The following CSNK1G3 variants were observed in gnomAD, a reference collection of about 807,000 sequenced individuals.
CSNK1G3 encodes the protein casein kinase I isoform gamma-3.
CSNK1G3 carries 23 observed loss-of-function variants against 64.3 expected under a neutral mutation model. That is an observed-to-expected ratio of 0.36 (90% CI 0.26 to 0.51). The LOEUF (loss-of-function observed/expected upper bound fraction) is 0.51. Ranked by LOEUF, CSNK1G3 falls within the 20% of genes least tolerant of loss-of-function variation. The pLI is 0.96. For synonymous variants in CSNK1G3, 158 were observed against 162.2 expected, an observed-to-expected ratio of 0.97 and a Z score of 0.20; for missense variants, 357 against 510.5, an observed-to-expected ratio of 0.70 and a Z score of 2.90.
intron 12 of CSNK1G3, among the ~76,000 whole-genome samples, chr5:123,610,938 G>T (rs1796225512): frequency 6.6e-6 from 1 of 152,180 alleles, no homozygotes; most frequent in Non-Finnish European, 1.5e-5. Context: ...CTATAACTGT[G>T]AGCAGTCCTT....
At chr5:123,556,963 G>A (rs181881401) in intron 3 of CSNK1G3, among the ~76,000 whole-genome samples, 18 of 152,142 alleles carry the variant, frequency 1.2e-4, no homozygotes, top group Admixed American at 2.6e-4. Context: ...GATTGGTGTG[G>A]TGGTTATAGG....
chr5:123,615,964 A>G (rs541062908), exon 13 of CSNK1G3: 1 of 152,176 alleles, frequency 6.6e-6, no homozygotes, highest in East Asian at 1.9e-4. Context: ...GTACTTTGTA[A>G]TTTATTTTTC....
intron 2 of CSNK1G3, among the ~76,000 whole-genome samples, chr5:123,547,516 T>C (rs1015555160): frequency 6.6e-6 from 1 of 152,062 alleles, no homozygotes; most frequent in Non-Finnish European, 1.5e-5. Flanking sequence ...ACGAGAAATA[T>C]GAGAAACTGT....
At chr5:123,586,229 A>C (rs564172601) in intron 6 of CSNK1G3, among the ~76,000 whole-genome samples, 160 of 152,272 alleles carry the variant, frequency 1.1e-3, no homozygotes, top group African/African-American at 3.5e-3. Context: ...TGATGAAGGC[A>C]GATAAGTGGT....
Position 123,519,061 on chromosome 5 carries a change from G to GTTACTTTTT in CSNK1G3, c.-248+6492_-248+6500dup. Among the ~76,000 whole-genome samples, 4 of 151,898 alleles carry GTTACTTTTT rather than the reference G, an allele frequency of 2.6e-5. 1 individual carries two copies. Among genetic ancestry groups the GTTACTTTTT allele is most frequent in the Admixed American group, 2.6e-4 (4 of 15,258 alleles). The stretch of plus-strand genomic sequence containing the variant: ...AGGCTTGAGTCACCGTGGCTGGCAA[G>GTTACTTTTT]TTACTTTTTGAGACGGAGTTTTACT... On this transcript the variant is annotated intron_variant, in intron 1 of 12. Coordinates refer to ENST00000345990, the Ensembl canonical transcript of CSNK1G3.
At chr5:123,586,883 A>G (rs529639649) in intron 6 of CSNK1G3, among the ~76,000 whole-genome samples, 71 of 152,326 alleles carry the variant, frequency 4.7e-4, no homozygotes, top group African/African-American at 1.6e-3. Context: ...GAGGCCTCAC[A>G]GTCACGGCAG....
At chr5:123,542,221 T>C (rs1781784656) in intron 1 of CSNK1G3, among the ~76,000 whole-genome samples, 1 of 152,174 alleles carries the variant, frequency 6.6e-6, no homozygotes, top group Non-Finnish European at 1.5e-5. Flanking sequence ...CTTACTTTTT[T>C]TGTATGTGGT....
intron 10 of CSNK1G3, 101 bp downstream of exon 11, chr5:123,595,235 T>G (rs1581361972): frequency 9.1e-7 from 1 of 1,099,930 alleles, no homozygotes; most frequent in East Asian, 2.6e-5. Context: ...ATGGAAAATT[T>G]GTTGCTGAAC....
At chr5:123,559,813 T>C (rs1393206436) in intron 4 of CSNK1G3, among the ~76,000 whole-genome samples, 3 of 152,024 alleles carry the variant, frequency 2.0e-5, no homozygotes. Flanking sequence ...AACTGATGAC[T>C]TTTAAACAGT....
At chr5:123,577,470 C>A (rs1789403725) in intron 6 of CSNK1G3, among the ~76,000 whole-genome samples, 1 of 151,970 alleles carries the variant, frequency 6.6e-6, no homozygotes, top group Non-Finnish European at 1.5e-5. Context: ...TATACTGATA[C>A]ACTTTTAATT....
chr5:123,588,453 G>C, exon 8 of CSNK1G3: 3 of 1,612,652 alleles, frequency 1.9e-6, no homozygotes, highest in Non-Finnish European at 2.5e-6. Flanking sequence ...AGAGGTATCA[G>C]AAAATTGGAG....
Position 123,590,578 on chromosome 5 carries a change from A to C in CSNK1G3, c.990+20A>C. 2 of 1,373,902 alleles carry C rather than the reference A, an allele frequency of 1.5e-6. No individual in the cohort carries two copies. The highest frequency in any genetic ancestry group is 3.1e-5 in the South Asian group (2 of 65,482). 85.1% of individuals were successfully genotyped at this position (1,373,902 alleles called of 1,614,324 possible). A position where few individuals can be genotyped will look rare whatever the true frequency, so the allele number is the denominator to read the frequency against. Reference sequence around the variant, plus strand: ...CAGTTGGTGAGTATTCTATATAATAATATATTACTTACAGTATCTGTTGCC... The same window carrying C: ...CAGTTGGTGAGTATTCTATATAATACTATATTACTTACAGTATCTGTTGCC... On this transcript the variant is annotated intron_variant, in intron 9 of 12. Coordinates refer to ENST00000345990, the Ensembl canonical transcript of CSNK1G3.
exon 2 of CSNK1G3, chr5:123,545,639 CA>C: frequency 1.9e-6 from 3 of 1,600,184 alleles, no homozygotes; most frequent in Non-Finnish European, 8.5e-7. Flanking sequence ...TTAAAGAATT[CA>C]AAGTGGAGTA....
intron 1 of CSNK1G3, among the ~76,000 whole-genome samples, chr5:123,528,379 G>GC (rs2150062967): frequency 1.3e-5 from 2 of 152,202 alleles, no homozygotes; most frequent in East Asian, 3.9e-4. Context: ...TTTCTAAGAG[G>GC]TTGTTCATTC....
chr5:123,529,185 A>T (rs1190028140), intron 1 of CSNK1G3, among the ~76,000 whole-genome samples: 1 of 152,216 alleles, frequency 6.6e-6, no homozygotes, highest in African/African-American at 2.4e-5. Context: ...TGCAATGTTA[A>T]TGAATCAGAG....
At chr5:123,575,914 C>A in exon 6 of CSNK1G3, 1 of 1,613,372 alleles carries the variant, frequency 6.2e-7, no homozygotes, top group Non-Finnish European at 8.5e-7. Flanking sequence ...AACACAAGAG[C>A]CTTACAGGAA....
At chr5:123,515,096 G>A (rs1776913981) in intron 1 of CSNK1G3, among the ~76,000 whole-genome samples, 1 of 152,106 alleles carries the variant, frequency 6.6e-6, no homozygotes, top group South Asian at 2.1e-4. Context: ...TTAAATATGG[G>A]TGTGTCTGGT....
intron 1 of CSNK1G3, among the ~76,000 whole-genome samples, chr5:123,523,603 A>G (rs1778517169): frequency 6.6e-6 from 1 of 152,216 alleles, no homozygotes; most frequent in African/African-American, 2.4e-5. Context: ...AGCACCGGGT[A>G]GAGTTTAGAG....
chr5:123,558,597 A>T (rs377208806), intron 4 of CSNK1G3, among the ~76,000 whole-genome samples: 1 of 152,146 alleles, frequency 6.6e-6, no homozygotes, highest in African/African-American at 2.4e-5. Flanking sequence ...TTTTTCTAAG[A>T]GCACACTTTG....
Sources: allele counts gnomAD v4.1 joint callset (sites outside exome capture counted in the v4.1 genomes callset), GRCh38; gene constraint gnomAD v4.1.1; transcripts MANE v1.5; gene names NCBI Gene and HGNC (gene_info 2026-07-23, HGNC 2026-07-21).